The following SPAG16 variants were observed in gnomAD, a reference collection of about 807,000 sequenced individuals.
SPAG16 encodes sperm-associated antigen 16 protein.
In SPAG16, 86 loss-of-function variants were observed where a neutral mutation model predicts 80.4. That is an observed-to-expected ratio of 1.07 (90% CI 0.90 to 1.28). The LOEUF (loss-of-function observed/expected upper bound fraction) is 1.28. Ranked by LOEUF, SPAG16 falls within the 50% of genes most tolerant of loss-of-function variation. SPAG16 has a pLI of 0.00. For missense variants in SPAG16, 870 were observed against 765.3 expected (o/e 1.14, Z -1.61); for synonymous variants, 294 against 265.9 (o/e 1.11, Z -1.03).
intron 15 of SPAG16, among the ~76,000 whole-genome samples, chr2:214,278,856 T>C (rs550304026): frequency 1.1e-4 from 17 of 152,318 alleles, no homozygotes; most frequent in African/African-American, 4.1e-4. Context: ...GAAAACAAGA[T>C]TCACAGAATA....
chr2:213,783,426 GTATCTA>G (rs1575125614), intron 10 of SPAG16, among the ~76,000 whole-genome samples: 2 of 148,136 alleles, frequency 1.4e-5, no homozygotes, highest in African/African-American at 5.0e-5. Flanking sequence ...TGAAGGCAGA[GTATCTA>G]TATCTATTAT....
intron 11 of SPAG16, among the ~76,000 whole-genome samples, chr2:213,924,266 C>G (rs2078359789): frequency 6.6e-6 from 1 of 152,218 alleles, no homozygotes; most frequent in African/African-American, 2.4e-5. Flanking sequence ...GGATGGCTCT[C>G]TCCCTCAGTT....
chr2:214,005,743 G>A (rs1162017708), intron 12 of SPAG16, among the ~76,000 whole-genome samples: 1 of 152,098 alleles, frequency 6.6e-6, no homozygotes, highest in Non-Finnish European at 1.5e-5. Flanking sequence ...CATTATAAAA[G>A]TATTCTTGAC....
At chr2:213,576,292 T>C (rs2060122377) in intron 10 of SPAG16, among the ~76,000 whole-genome samples, 1 of 152,168 alleles carries the variant, frequency 6.6e-6, no homozygotes. Flanking sequence ...GTGCCTGTTT[T>C]TGTACCAGTA....
chr2:213,963,104 T>A (rs1195424593), intron 12 of SPAG16, among the ~76,000 whole-genome samples: 1 of 138,030 alleles, frequency 7.2e-6, no homozygotes. Flanking sequence ...TTTTTTTTTT[T>A]TTTTAATGTC....
At chr2:213,287,254 A>G (rs2062089143) in intron 1 of SPAG16, among the ~76,000 whole-genome samples, 1 of 152,232 alleles carries the variant, frequency 6.6e-6, no homozygotes, top group Admixed American at 6.5e-5. Context: ...GAACCTAGAA[A>G]GAAGGTTGAT....
intron 3 of SPAG16, among the ~76,000 whole-genome samples, chr2:213,303,477 A>G (rs192456433): frequency 2.6e-5 from 4 of 152,126 alleles, no homozygotes; most frequent in Admixed American, 2.6e-4. Flanking sequence ...CGTGCTATCA[A>G]ATACTAGATC....
At chr2:213,620,233 A>G (rs1041242559) in intron 10 of SPAG16, among the ~76,000 whole-genome samples, 3 of 148,280 alleles carry the variant, frequency 2.0e-5, no homozygotes, top group African/African-American at 5.0e-5. Context: ...AATAAGTTCT[A>G]GTGTTCACAG....
At position 213,666,930 on chromosome 2, in the gene SPAG16, A is replaced by T. The variant is rs144864755; in HGVS notation, c.1070+176840A>T. ...GAATGGAAATCTGGATACAATGGTG[A>T]CTCTACAAATGGAGCACCATAAACC... On this transcript the variant is annotated intron_variant, in intron 10 of 15. Coordinates refer to ENST00000331683, the MANE Select transcript of SPAG16 (RefSeq NM_024532.5). 1.7e-4 allele frequency among the ~76,000 whole-genome samples: 26 copies of T among 152,284 alleles called. 1 individual carries two copies. In the East Asian group the frequency reaches 4.6e-3, roughly 27 times the overall value.
intron 15 of SPAG16, among the ~76,000 whole-genome samples, chr2:214,173,495 C>T (rs1420850059): frequency 2.6e-5 from 4 of 152,128 alleles, no homozygotes; most frequent in East Asian, 1.9e-4. Flanking sequence ...GTTTTGGTTA[C>T]TGTAGCCTTG....
chr2:214,070,729 T>TATA (rs1406025276), intron 13 of SPAG16, among the ~76,000 whole-genome samples: 6 of 152,094 alleles, frequency 3.9e-5, no homozygotes, highest in African/African-American at 2.4e-5. Context: ...GTTTCTAACA[T>TATA]ATAACCACCC....
intron 12 of SPAG16, among the ~76,000 whole-genome samples, chr2:213,964,138 G>A (rs2044590499): frequency 6.6e-6 from 1 of 152,076 alleles, no homozygotes; most frequent in South Asian, 2.1e-4. Context: ...CTCAGTATTT[G>A]CCTATTTGAA....
At chr2:214,325,724 CT>C (rs5838427) in intron 15 of SPAG16, among the ~76,000 whole-genome samples, 114,811 of 150,260 alleles carry the variant, frequency 0.76, 44,257 homozygotes, top group Non-Finnish European at 0.8. Context: ...TATTGATTAG[CT>C]TTTTTTTTTT....
chr2:213,643,517 A>C (rs2062702729), intron 10 of SPAG16, among the ~76,000 whole-genome samples: 1 of 148,148 alleles, frequency 6.8e-6, no homozygotes, highest in Admixed American at 6.7e-5. Flanking sequence ...TTGGTGTTCT[A>C]CAACCTTCTT....
chr2:214,091,333 A>C (rs1033392718), intron 13 of SPAG16, among the ~76,000 whole-genome samples: 2 of 152,156 alleles, frequency 1.3e-5, no homozygotes, highest in South Asian at 2.1e-4. Flanking sequence ...GAAACACTGA[A>C]GTATGAAGAT....
At chr2:214,174,355 TTAAGCTGA>T (rs1213114296) in intron 15 of SPAG16, among the ~76,000 whole-genome samples, 101 of 152,086 alleles carry the variant, frequency 6.6e-4, no homozygotes, top group African/African-American at 2.3e-3. Context: ...CAAAATCTCC[TTAAGCTGA>T]TAAGCAACTT....
chr2:213,940,707 A>G (rs1189219443), intron 12 of SPAG16, among the ~76,000 whole-genome samples: 3 of 152,160 alleles, frequency 2.0e-5, no homozygotes, highest in Non-Finnish European at 4.4e-5. Context: ...CAAAACTATA[A>G]TCATAAATTA....
At chr2:213,514,077 C>A (rs1464873841) in intron 10 of SPAG16, among the ~76,000 whole-genome samples, 1 of 152,120 alleles carries the variant, frequency 6.6e-6, no homozygotes, top group Admixed American at 6.5e-5. Context: ...AGAATGGTAT[C>A]ACAGAACAAA....
chr2:214,195,742 C>T (rs2057817561), intron 15 of SPAG16, among the ~76,000 whole-genome samples: 2 of 151,966 alleles, frequency 1.3e-5, no homozygotes, highest in Admixed American at 6.6e-5. Flanking sequence ...TTCATGTTGA[C>T]ACTTGGCAAG....
Sources: gnomAD v4.1 joint callset for allele counts (sites outside exome capture counted in the v4.1 genomes callset) on GRCh38, gnomAD v4.1.1 for gene constraint, MANE v1.5 for transcripts, NCBI Gene and HGNC (gene_info 2026-07-23, HGNC 2026-07-21) for gene names.